The following MRPL1 variants were observed in gnomAD, a reference collection of about 807,000 sequenced individuals.
MRPL1 encodes large ribosomal subunit protein uL1m.
MRPL1 carries 28 observed loss-of-function variants against 38.0 expected under a neutral mutation model. That is an observed-to-expected ratio of 0.74 (90% CI 0.55 to 1.01). The LOEUF is 1.01. Among genes scored for constraint, MRPL1 ranks in the 50% least tolerant of loss-of-function variants. The pLI, the probability that MRPL1 is intolerant of heterozygous loss-of-function variation, is 0.00. For synonymous variants in MRPL1, 123 were observed against 126.7 expected, an observed-to-expected ratio of 0.97 and a Z score of 0.20; for missense variants, 358 against 389.8, an observed-to-expected ratio of 0.92 and a Z score of 0.69.
chr4:77,896,358 C>A (rs1053354592), intron 6 of MRPL1, among the ~76,000 whole-genome samples: 2 of 151,958 alleles, frequency 1.3e-5, no homozygotes, highest in Non-Finnish European at 2.9e-5. Flanking sequence ...TATGTTTTTC[C>A]CCCCTATTTG....
chr4:77,901,348 G>T (rs904042358), intron 6 of MRPL1, among the ~76,000 whole-genome samples: 1 of 150,888 alleles, frequency 6.6e-6, no homozygotes, highest in African/African-American at 2.4e-5. Context: ...AGGAACAGAA[G>T]AACAAATAAG....
At chr4:77,901,877 C>A (rs1438496480) in intron 6 of MRPL1, among the ~76,000 whole-genome samples, 1 of 152,150 alleles carries the variant, frequency 6.6e-6, no homozygotes, top group African/African-American at 2.4e-5. Context: ...CTATAAAACA[C>A]CCAACAACAG....
intron 5 of MRPL1, among the ~76,000 whole-genome samples, chr4:77,888,905 C>CCTGTCA (rs1325858795): frequency 6.6e-6 from 1 of 151,906 alleles, no homozygotes; most frequent in Admixed American, 6.6e-5. Flanking sequence ...TGTTCCCCAC[C>CCTGTCA]CTGTCAATTC....
intron 6 of MRPL1, chr4:77,907,194 G>A: frequency 1.0e-6 from 1 of 980,350 alleles, no homozygotes; most frequent in Non-Finnish European, 1.2e-6. Flanking sequence ...TTCAGTGCAT[G>A]GAATTAAATT....
chr4:77,873,036 A>G (rs1039671591), intron 2 of MRPL1, among the ~76,000 whole-genome samples: 5 of 152,218 alleles, frequency 3.3e-5, no homozygotes, highest in South Asian at 2.1e-4. Flanking sequence ...TGTCTCAAAA[A>G]TAAAATAAGA....
rs72871115 is a variant in MRPL1 at position 77,932,973 on chromosome 4, G to A, written c.778-16824G>A. On this transcript the variant is annotated intron_variant, in intron 7 of 8. Transcript: ENST00000315567. Reference sequence around the variant, plus strand: ...GAAAAAAAAAAGGAATTTTGTTTGCGACAGGTCTTGCTGTGTTGCCAAGGT... The same window carrying A: ...GAAAAAAAAAAGGAATTTTGTTTGCAACAGGTCTTGCTGTGTTGCCAAGGT... Among the ~76,000 whole-genome samples, 91 of 152,064 alleles carry A rather than the reference G, an allele frequency of 6.0e-4. 1 individual carries two copies. Among genetic ancestry groups the A allele is most frequent in the African/African-American group, 2.1e-3 (86 of 41,502 alleles).
intron 2 of MRPL1, among the ~76,000 whole-genome samples, chr4:77,879,655 T>G (rs763894675): frequency 1.3e-5 from 2 of 152,348 alleles, no homozygotes; most frequent in Admixed American, 6.5e-5. Flanking sequence ...AATAGGAGAA[T>G]TTATTCCTAA....
At position 77,885,327 on chromosome 4, in the gene MRPL1, T is replaced by C; in HGVS notation, c.474T>C (p.Ala158=). ...YPFASEINKV[A]VFTENASEVK... ...TTGCTTCCGAAATCAATAAAGTTGC[T>C]GTATTTACAGAGGTGAGTAACTTCC... Residue 158 remains alanine, a synonymous_variant, in exon 4 of 9, where the codon GCT becomes GCC. Coordinates refer to ENST00000315567, the MANE Select transcript of MRPL1 (RefSeq NM_020236.4). 1 of 1,612,750 alleles carries C rather than the reference T, an allele frequency of 6.2e-7. No individual in the cohort carries two copies. The highest frequency in any genetic ancestry group is 8.5e-7 in the Non-Finnish European group (1 of 1,178,728).
Position 77,870,787 on chromosome 4 carries a change from C to T in MRPL1, c.32-957C>T, listed in dbSNP as rs150124694. On this transcript the variant is annotated intron_variant, in intron 1 of 8. Transcript: ENST00000315567. ...TAAAAACATATTTCTAATATTTACA[C>T]ACGCAAAAGAATATAGTTAAGATGA... Among the ~76,000 whole-genome samples the T allele has an allele frequency of 9.3e-3, 1,415 of 152,184 alleles. 21 individuals carry two copies. Among genetic ancestry groups the T allele is most frequent in the Non-Finnish European group, 0.01 (684 of 68,010 alleles).
chr4:77,918,197 A>G (rs1449420036), intron 7 of MRPL1, among the ~76,000 whole-genome samples: 1 of 152,304 alleles, frequency 6.6e-6, no homozygotes, highest in East Asian at 1.9e-4. Flanking sequence ...TACCAGGTAG[A>G]TAAAGGGTCG....
intron 5 of MRPL1, among the ~76,000 whole-genome samples, chr4:77,893,721 G>T (rs1311675070): frequency 6.6e-6 from 1 of 152,132 alleles, no homozygotes; most frequent in Non-Finnish European, 1.5e-5. Context: ...GCTAGTGGTT[G>T]CTAGTGAGTT....
At chr4:77,943,623 CA>C (rs905763604) in intron 7 of MRPL1, among the ~76,000 whole-genome samples, 4 of 152,046 alleles carry the variant, frequency 2.6e-5, no homozygotes, top group African/African-American at 9.7e-5. Flanking sequence ...ATCTTGTCTT[CA>C]AGCTCTGAAA....
Position 77,912,931 on chromosome 4 carries a change from A to AT in MRPL1, c.777+3565dup, listed in dbSNP as rs575908398. ...CTGATTTTCCACAAGGTACAATGGC[A>AT]TTTTTTCTGGAGAAAGGATAGTTCT... On this transcript the variant is annotated intron_variant, in intron 7 of 8. Coordinates refer to ENST00000315567, the MANE Select transcript of MRPL1 (RefSeq NM_020236.4). Among the ~76,000 whole-genome samples the AT allele has an allele frequency of 4.3e-3, 653 of 152,256 alleles. 7 individuals carry two copies. Among genetic ancestry groups the AT allele is most frequent in the Admixed American group, 0.012 (179 of 15,286 alleles).
chr4:77,907,192 A>G, intron 6 of MRPL1: 2 of 980,382 alleles, frequency 2.0e-6, no homozygotes, highest in African/African-American at 1.7e-5. Context: ...TTTTCAGTGC[A>G]TGGAATTAAA....
chr4:77,867,050 A>G (rs898466902), intron 1 of MRPL1, among the ~76,000 whole-genome samples: 6 of 151,910 alleles, frequency 3.9e-5, no homozygotes, highest in Non-Finnish European at 7.4e-5. Context: ...CTGGCCTCAA[A>G]TGTCACCCTT....
chr4:77,908,612 A>G (rs1736214647), intron 6 of MRPL1, among the ~76,000 whole-genome samples: 1 of 152,200 alleles, frequency 6.6e-6, no homozygotes. Flanking sequence ...GCTGTATATT[A>G]TTATTGCATA....
At chr4:77,939,193 C>T (rs1467151157) in intron 7 of MRPL1, among the ~76,000 whole-genome samples, 5 of 152,136 alleles carry the variant, frequency 3.3e-5, no homozygotes, top group Non-Finnish European at 7.3e-5. Context: ...TGAGTTACTT[C>T]ACTTAGAAAA....
chr4:77,916,214 T>C (rs1159698067), intron 7 of MRPL1, among the ~76,000 whole-genome samples: 1 of 152,232 alleles, frequency 6.6e-6, no homozygotes, highest in Non-Finnish European at 1.5e-5. Context: ...CTGAGTTTGC[T>C]ATATAGAAAA....
intron 6 of MRPL1, among the ~76,000 whole-genome samples, chr4:77,898,988 G>GTTTTTTTTTTTTTTTTTTT (rs1560465396): frequency 7.1e-6 from 1 of 140,574 alleles, no homozygotes; most frequent in African/African-American, 2.7e-5. Context: ...CTTATGCACA[G>GTTTTTTTTTTTTTTTTTTT]ATTTTTTTTT....
Sources: gnomAD v4.1 joint callset for allele counts (sites outside exome capture counted in the v4.1 genomes callset) on GRCh38, gnomAD v4.1.1 for gene constraint, MANE v1.5 for transcripts, NCBI Gene and HGNC (gene_info 2026-07-23, HGNC 2026-07-21) for gene names.